The following LRRC4C variants were observed in gnomAD, a reference collection of about 807,000 sequenced individuals.
The protein encoded by LRRC4C is leucine rich repeat containing 4C, also known as leucine-rich repeat-containing protein 4C.
In LRRC4C, 5 loss-of-function variants were observed where a neutral mutation model predicts 33.6. The observed-to-expected ratio is 0.15, with a 90% CI of 0.08 to 0.31. The LOEUF is 0.31. Ranked by LOEUF, LRRC4C falls within the 10% of genes least tolerant of loss-of-function variation. The pLI, the probability that LRRC4C is intolerant of heterozygous loss-of-function variation, is 1.00. For missense variants in LRRC4C, 560 were observed against 796.7 expected (o/e 0.70, Z 3.58); for synonymous variants, 329 against 302.0 (o/e 1.09, Z -0.93).
intron 1 of LRRC4C, among the ~76,000 whole-genome samples, chr11:41,118,467 A>C (rs1860813052): frequency 6.6e-6 from 1 of 152,190 alleles, no homozygotes. Flanking sequence ...TACACAAGCC[A>C]AAAGCTTAGA....
intron 3 of LRRC4C, among the ~76,000 whole-genome samples, chr11:40,528,284 A>T (rs1956136716): frequency 6.6e-6 from 1 of 152,198 alleles, no homozygotes; most frequent in African/African-American, 2.4e-5. Context: ...TATATTGATA[A>T]GCAGTTAACA....
intron 3 of LRRC4C, among the ~76,000 whole-genome samples, chr11:40,442,223 C>A (rs1338214001): frequency 7.0e-6 from 1 of 142,704 alleles, no homozygotes; most frequent in South Asian, 2.3e-4. Flanking sequence ...TTGTAAAAGT[C>A]ATTACAAAAG....
chr11:40,440,191 A>G (rs553238457), intron 3 of LRRC4C, among the ~76,000 whole-genome samples: 1 of 152,160 alleles, frequency 6.6e-6, no homozygotes, highest in Admixed American at 6.5e-5. Flanking sequence ...AGTACCTAGA[A>G]CATTTCCTGG....
intron 1 of LRRC4C, among the ~76,000 whole-genome samples, chr11:41,326,992 C>A (rs1449539344): frequency 1.3e-5 from 2 of 152,092 alleles, no homozygotes; most frequent in Non-Finnish European, 2.9e-5. Context: ...GGCAAGAAAC[C>A]TATTCCTTAC....
At chr11:40,984,395 G>GAAAGAA (rs1852818363) in intron 1 of LRRC4C, among the ~76,000 whole-genome samples, 2 of 85,370 alleles carry the variant, frequency 2.3e-5, no homozygotes, top group East Asian at 2.8e-4. Flanking sequence ...AAGAAAGAAA[G>GAAAGAA]AAAGAAAGAA....
chr11:41,456,322 G>A (rs1784401100), intron 1 of LRRC4C, among the ~76,000 whole-genome samples: 1 of 151,792 alleles, frequency 6.6e-6, no homozygotes, highest in Non-Finnish European at 1.5e-5. Flanking sequence ...TCCAGGGCCA[G>A]AGCTCCAAAA....
At chr11:41,075,029 T>TC (rs201736893) in intron 1 of LRRC4C, among the ~76,000 whole-genome samples, 1 of 40,874 alleles carries the variant, frequency 2.4e-5, no homozygotes, top group Admixed American at 3.8e-4. Context: ...TTTTTTTTTT[T>TC]TTTTTTTATT....
At chr11:40,638,567 G>C (rs975166429) in intron 3 of LRRC4C, among the ~76,000 whole-genome samples, 5 of 152,120 alleles carry the variant, frequency 3.3e-5, no homozygotes, top group Admixed American at 2.0e-4. Context: ...GATGGTGATT[G>C]CTATTGCTAT....
In LRRC4C at chr11:40,466,505, G is replaced by C. The variant is rs372797332; in HGVS notation, c.-269-146784C>G. Among the ~76,000 whole-genome samples, 36 of 151,740 alleles carry C rather than the reference G, an allele frequency of 2.4e-4. 1 individual carries two copies. In the South Asian group the frequency reaches 7.5e-3, roughly 32 times the overall value. On this transcript the variant is annotated intron_variant, in intron 3 of 6. Coordinates refer to ENST00000528697, the MANE Select transcript of LRRC4C (RefSeq NM_001258419.2). ...TAAAGGCAGGCAGTTAATAATTATTGAATACCTACCATTTTTCAGACAGAA... is the reference window on the plus strand; with the variant it reads ...TAAAGGCAGGCAGTTAATAATTATTCAATACCTACCATTTTTCAGACAGAA...
chr11:41,144,051 T>G (rs1943627090), intron 1 of LRRC4C, among the ~76,000 whole-genome samples: 1 of 152,192 alleles, frequency 6.6e-6, no homozygotes, highest in African/African-American at 2.4e-5. Context: ...TCACTATTTC[T>G]AAACCAAAGG....
chr11:40,135,206 A>G lies in LRRC4C; in HGVS notation c.-43+5595T>C, dbSNP rs369453716. 5.2e-4 allele frequency among the ~76,000 whole-genome samples: 79 copies of G among 152,350 alleles called. 2 individuals are homozygous for G. In the South Asian group the frequency reaches 0.016, roughly 31 times the overall value. ...TTTGTTTCTTCCTAATGACTGCAAA[A>G]TAGGGAATTATTCAGCAAATGCAGA... On this transcript the variant is annotated intron_variant, in intron 6 of 6. Coordinates refer to ENST00000528697, the MANE Select transcript of LRRC4C (RefSeq NM_001258419.2).
intron 1 of LRRC4C, among the ~76,000 whole-genome samples, chr11:41,058,115 G>A (rs1312325290): frequency 6.6e-6 from 1 of 152,206 alleles, no homozygotes; most frequent in Non-Finnish European, 1.5e-5. Context: ...CATCCTCCTG[G>A]CTTGCCATGC....
At chr11:41,308,951 T>C (rs1477911931) in intron 1 of LRRC4C, among the ~76,000 whole-genome samples, 1 of 152,082 alleles carries the variant, frequency 6.6e-6, no homozygotes, top group African/African-American at 2.4e-5. Context: ...GTTACAGGCA[T>C]GCGTCAACAC....
chr11:41,357,834 C>T (rs1952216976), intron 1 of LRRC4C, among the ~76,000 whole-genome samples: 1 of 152,018 alleles, frequency 6.6e-6, no homozygotes. Flanking sequence ...GTTAGCTCTT[C>T]CCAACTTGAT....
intron 2 of LRRC4C, among the ~76,000 whole-genome samples, chr11:40,890,937 G>A (rs1955677933): frequency 6.6e-6 from 1 of 152,096 alleles, no homozygotes; most frequent in Non-Finnish European, 1.5e-5. Flanking sequence ...TTACAGCTAG[G>A]TCTCTTCGAA....
intron 2 of LRRC4C, among the ~76,000 whole-genome samples, chr11:40,867,478 T>C (rs1399014358): frequency 6.6e-6 from 1 of 152,240 alleles, no homozygotes; most frequent in Non-Finnish European, 1.5e-5. Context: ...TTAGTATCAC[T>C]ATTATTGCCC....
chr11:41,140,015 CAGAGTGA>C (rs1276952179), intron 1 of LRRC4C, among the ~76,000 whole-genome samples: 6 of 152,126 alleles, frequency 3.9e-5, no homozygotes, highest in Admixed American at 2.6e-4. Flanking sequence ...GATGTTTTAG[CAGAGTGA>C]AAATAGTCCC....
At chr11:40,645,277 C>T (rs1191194047) in intron 3 of LRRC4C, among the ~76,000 whole-genome samples, 1 of 152,134 alleles carries the variant, frequency 6.6e-6, no homozygotes, top group Non-Finnish European at 1.5e-5. Flanking sequence ...CAATCATATT[C>T]TCTCTTTTGA....
chr11:41,121,564 A>G (rs1373185071), intron 1 of LRRC4C, among the ~76,000 whole-genome samples: 3 of 152,214 alleles, frequency 2.0e-5, no homozygotes, highest in African/African-American at 7.2e-5. Flanking sequence ...TAAATGTTAG[A>G]TAATTCAACC....
Sources: gnomAD v4.1 joint callset for allele counts (sites outside exome capture counted in the v4.1 genomes callset) on GRCh38, gnomAD v4.1.1 for gene constraint, MANE v1.5 for transcripts, NCBI Gene and HGNC (gene_info 2026-07-23, HGNC 2026-07-21) for gene names.